The following GLIS3 variants were observed in gnomAD, a reference collection of about 807,000 sequenced individuals.
GLIS3 encodes the protein GLIS family zinc finger 3.
A neutral mutation model predicts 78.6 loss-of-function variants in GLIS3; 53 were observed. The ratio of observed to expected loss-of-function variants is 0.67; its 90% confidence interval spans 0.54 to 0.85. The LOEUF (loss-of-function observed/expected upper bound fraction) is 0.85, where lower values mean the gene tolerates loss of function less well. GLIS3 is among the 40% of genes least tolerant of loss of function. GLIS3 has a pLI of 0.00. For missense variants in GLIS3, 1,703 were observed against 1,231.1 expected (o/e 1.38, Z -5.74); for synonymous variants, 684 against 509.9 (o/e 1.34, Z -4.60).
chr9:4,217,257 G>C lies in GLIS3; in HGVS notation c.388+68781C>G, dbSNP rs547103618. Among the ~76,000 whole-genome samples, 4 of 152,244 alleles carry C rather than the reference G, an allele frequency of 2.6e-5. No individual in the cohort carries two copies. In the South Asian group the frequency reaches 8.3e-4, roughly 32 times the overall value. On this transcript the variant is annotated intron_variant, in intron 2 of 10. Transcript: ENST00000381971. ...TGGGAAGAACATAGGGTATGCATGTGCACTCATTCATTCAGCTCAGGCTCC... is the reference window on the plus strand; with the variant it reads ...TGGGAAGAACATAGGGTATGCATGTCCACTCATTCATTCAGCTCAGGCTCC...
upstream of GLIS3, among the ~76,000 whole-genome samples, chr9:4,304,092 T>C (rs1817164579): frequency 6.6e-6 from 1 of 152,102 alleles, no homozygotes; most frequent in African/African-American, 2.4e-5. Flanking sequence ...ATGGATTAAT[T>C]AATGAGAGAA....
At chr9:4,228,119 G>A (rs1821932691) in intron 2 of GLIS3, among the ~76,000 whole-genome samples, 1 of 147,820 alleles carries the variant, frequency 6.8e-6, no homozygotes, top group African/African-American at 2.5e-5. Flanking sequence ...GGGCCTTGTT[G>A]TCAGGGAATA....
At chr9:3,900,157 G>C (rs1188747469) in intron 6 of GLIS3, among the ~76,000 whole-genome samples, 1 of 149,534 alleles carries the variant, frequency 6.7e-6, no homozygotes, top group African/African-American at 2.5e-5. Context: ...GGAGACGTTG[G>C]ATAAAGCCTT....
chr9:3,858,179 T>TAG (rs767660004), intron 8 of GLIS3, among the ~76,000 whole-genome samples: 49 of 152,358 alleles, frequency 3.2e-4, no homozygotes, highest in Middle Eastern at 6.8e-3. Flanking sequence ...CAACTTGCTC[T>TAG]AGATGGTTTT....
intron 6 of GLIS3, among the ~76,000 whole-genome samples, chr9:3,908,702 A>ATTTGTT (rs1554644768): frequency 3.8e-4 from 11 of 29,076 alleles, no homozygotes; most frequent in East Asian, 2.3e-3. Flanking sequence ...TGTGATTTGT[A>ATTTGTT]TTTGTTTTTT....
At chr9:4,287,730 T>C (rs1828124053) in intron 1 of GLIS3, among the ~76,000 whole-genome samples, 2 of 152,154 alleles carry the variant, frequency 1.3e-5, no homozygotes, top group Admixed American at 1.3e-4. Flanking sequence ...AATAAAGGAC[T>C]CCATAAATAA....
chr9:4,049,712 A>C lies in GLIS3; in HGVS notation c.1710+68056T>G, dbSNP rs565000995. On this transcript the variant is annotated intron_variant, in intron 4 of 10. Transcript: ENST00000381971. Reference sequence around the variant, plus strand: ...CAATCTACCCATCTGACAAAGGACTAATATCCAGAATCTACAAAGAACTCA... The same window carrying C: ...CAATCTACCCATCTGACAAAGGACTCATATCCAGAATCTACAAAGAACTCA... 3.1e-3 allele frequency among the ~76,000 whole-genome samples: 474 copies of C among 152,314 alleles called. 6 individuals are homozygous for C. Among genetic ancestry groups the C allele is most frequent in the African/African-American group, 0.011 (458 of 41,576 alleles).
chr9:4,429,079 T>C, the GLIS3 span, among the ~76,000 whole-genome samples: 3 of 152,174 alleles, frequency 2.0e-5, no homozygotes, highest in Non-Finnish European at 2.9e-5. Context: ...ATAAAATTGC[T>C]ATCTTGTAAG....
At chr9:4,352,543 C>T (rs1414126171), upstream of GLIS3, among the ~76,000 whole-genome samples, 1 of 152,266 alleles carries the variant, frequency 6.6e-6, no homozygotes, top group African/African-American at 2.4e-5. Context: ...AACAACCATG[C>T]TCTTTAGAGA....
At chr9:3,889,706 T>C (rs538763976) in intron 7 of GLIS3, among the ~76,000 whole-genome samples, 1 of 152,282 alleles carries the variant, frequency 6.6e-6, no homozygotes, top group South Asian at 2.1e-4. Context: ...ACAGAAAATA[T>C]TTTAGGCTTT....
At chr9:4,141,346 C>A (rs1833800167) in intron 2 of GLIS3, among the ~76,000 whole-genome samples, 1 of 152,108 alleles carries the variant, frequency 6.6e-6, no homozygotes, top group East Asian at 1.9e-4. Context: ...AATACAAAGG[C>A]CAGACCTTCG....
chr9:3,931,262 T>C (rs564726374), intron 6 of GLIS3, among the ~76,000 whole-genome samples: 8 of 152,042 alleles, frequency 5.3e-5, no homozygotes, highest in Non-Finnish European at 7.4e-5. Context: ...TCGGCTGGCA[T>C]TGTGCTAACA....
chr9:4,124,924 T>C (rs1402963245), intron 3 of GLIS3, among the ~76,000 whole-genome samples: 1 of 152,182 alleles, frequency 6.6e-6, no homozygotes, highest in East Asian at 1.9e-4. Context: ...GAAGATAAAA[T>C]AATTTATTTC....
intron 2 of GLIS3, among the ~76,000 whole-genome samples, chr9:4,140,462 G>C (rs1349960569): frequency 6.6e-6 from 1 of 152,196 alleles, no homozygotes; most frequent in African/African-American, 2.4e-5. Context: ...GCATGGGCTT[G>C]CAAGTCCAGA....
At chr9:4,225,638 C>T (rs1821705266) in intron 2 of GLIS3, among the ~76,000 whole-genome samples, 1 of 152,114 alleles carries the variant, frequency 6.6e-6, no homozygotes, top group African/African-American at 2.4e-5. Flanking sequence ...TAACTAACTG[C>T]TTCTTAATGA....
chr9:4,152,414 G>C (rs1834752952), intron 2 of GLIS3, among the ~76,000 whole-genome samples: 1 of 152,162 alleles, frequency 6.6e-6, no homozygotes, highest in Non-Finnish European at 1.5e-5. Context: ...TTTTAATGTA[G>C]ATTATGAGGA....
chr9:4,004,459 G>A (rs1277220296), intron 4 of GLIS3, among the ~76,000 whole-genome samples: 1 of 152,186 alleles, frequency 6.6e-6, no homozygotes, highest in Non-Finnish European at 1.5e-5. Context: ...ACAGCTAGTA[G>A]CAAAGTCATC....
At chr9:4,449,131 C>T in the GLIS3 span, among the ~76,000 whole-genome samples, 2 of 152,180 alleles carry the variant, frequency 1.3e-5, no homozygotes, top group Admixed American at 6.5e-5. Flanking sequence ...CTGTACTTTT[C>T]CAACGGTCTT....
the GLIS3 span, among the ~76,000 whole-genome samples, chr9:4,441,458 C>T: frequency 6.6e-6 from 1 of 152,106 alleles, no homozygotes; most frequent in East Asian, 1.9e-4. Context: ...TATATTGAAC[C>T]ATCCTCATTT....
Sources: allele counts gnomAD v4.1 joint callset (sites outside exome capture counted in the v4.1 genomes callset), GRCh38; gene constraint gnomAD v4.1.1; transcripts MANE v1.5; gene names NCBI Gene and HGNC (gene_info 2026-07-23, HGNC 2026-07-21).